CADM2: variants seen among roughly 807,000 people sequenced by gnomAD.
CADM2 encodes cell adhesion molecule 2.
CADM2 carries 12 observed loss-of-function variants against 49.8 expected under a neutral mutation model. The observed-to-expected ratio is 0.24, with a 90% CI of 0.15 to 0.39. CADM2 has a LOEUF of 0.39. Ranked by LOEUF, CADM2 falls within the 10% of genes least tolerant of loss-of-function variation. The pLI is 1.00. For missense variants in CADM2, 378 were observed against 492.3 expected (o/e 0.77, Z 2.20); for synonymous variants, 214 against 175.4 (o/e 1.22, Z -1.74).
At chr3:85,114,860 T>G (rs2107577724) in intron 1 of CADM2, among the ~76,000 whole-genome samples, 1 of 152,234 alleles carries the variant, frequency 6.6e-6, no homozygotes, top group East Asian at 1.9e-4. Context: ...TTATAACCAT[T>G]TATTATGTTA....
chr3:84,963,021 T>C (rs2030683824), intron 1 of CADM2, among the ~76,000 whole-genome samples: 1 of 152,212 alleles, frequency 6.6e-6, no homozygotes, highest in Admixed American at 6.5e-5. Context: ...ATCTGCCAGT[T>C]TGTCCTCATC....
In CADM2 at chr3:85,371,697, A is replaced by G. The variant is rs1363736188; in HGVS notation, c.62-354825A>G. On this transcript the variant is annotated intron_variant, in intron 1 of 9. Transcript: ENST00000383699. The stretch of plus-strand genomic sequence containing the variant: ...TGTGTGTATATATATATATATATAT[A>G]TATATATATATATATATTCACTTAC... Among the ~76,000 whole-genome samples, 40 of 142,170 alleles carry G rather than the reference A, an allele frequency of 2.8e-4. 1 individual carries two copies. The highest frequency in any genetic ancestry group is 4.6e-4 in the Non-Finnish European group (30 of 65,552). 93.3% of individuals were successfully genotyped at this position (142,170 alleles called of 152,430 possible). A position where few individuals can be genotyped will look rare whatever the true frequency, so the allele number is the denominator to read the frequency against.
chr3:85,946,265 C>T (rs1485499220), intron 7 of CADM2, among the ~76,000 whole-genome samples: 2 of 150,776 alleles, frequency 1.3e-5, no homozygotes, highest in African/African-American at 4.9e-5. Flanking sequence ...AACCACTGCT[C>T]AACTAAATAA....
chr3:85,462,883 G>T (rs895002019), intron 1 of CADM2, among the ~76,000 whole-genome samples: 4 of 152,092 alleles, frequency 2.6e-5, no homozygotes, highest in African/African-American at 9.7e-5. Flanking sequence ...CTGAAAAAAG[G>T]TCTCAGTGTT....
chr3:86,025,014 G>A (rs912079971), intron 8 of CADM2, among the ~76,000 whole-genome samples: 2 of 151,628 alleles, frequency 1.3e-5, no homozygotes, highest in African/African-American at 2.4e-5. Context: ...GAGTAGCTGG[G>A]ATTACAGGCA....
chr3:85,623,050 C>T (rs1479921318), intron 1 of CADM2, among the ~76,000 whole-genome samples: 2 of 151,926 alleles, frequency 1.3e-5, no homozygotes, highest in Non-Finnish European at 2.9e-5. Flanking sequence ...AGCTTAAGCC[C>T]ACTGATAAGA....
intron 1 of CADM2, among the ~76,000 whole-genome samples, chr3:85,051,673 G>T (rs1226184186): frequency 6.6e-6 from 1 of 152,094 alleles, no homozygotes; most frequent in East Asian, 1.9e-4. Flanking sequence ...AGCAAAAGGG[G>T]TAGACACGCC....
chr3:86,006,714 G>T (rs146153663), intron 8 of CADM2, among the ~76,000 whole-genome samples: 187 of 152,186 alleles, frequency 1.2e-3, no homozygotes, highest in African/African-American at 4.1e-3. Context: ...AATTCCTTTT[G>T]TGGCATCTTT....
At chr3:85,828,919 C>G (rs988873153) in intron 3 of CADM2, among the ~76,000 whole-genome samples, 3 of 151,894 alleles carry the variant, frequency 2.0e-5, no homozygotes, top group Non-Finnish European at 2.9e-5. Context: ...TATGAAGTTC[C>G]TTTCCTACAT....
intron 1 of CADM2, among the ~76,000 whole-genome samples, chr3:85,580,298 T>G (rs2062758392): frequency 6.6e-6 from 1 of 152,082 alleles, no homozygotes; most frequent in South Asian, 2.1e-4. Flanking sequence ...CTAACATCAT[T>G]CATGTTTAAT....
chr3:85,629,004 A>C (rs2064220167), intron 1 of CADM2, among the ~76,000 whole-genome samples: 1 of 151,744 alleles, frequency 6.6e-6, no homozygotes, highest in African/African-American at 2.4e-5. Context: ...TATTAGCAAA[A>C]TTAGATTTTG....
intron 1 of CADM2, among the ~76,000 whole-genome samples, chr3:85,195,575 A>G (rs1335903721): frequency 6.7e-6 from 1 of 148,604 alleles, no homozygotes; most frequent in African/African-American, 2.5e-5. Context: ...ACACACACAC[A>G]TTTTGTAATT....
intron 1 of CADM2, among the ~76,000 whole-genome samples, chr3:85,210,092 G>C (rs1335933627): frequency 6.6e-6 from 1 of 152,144 alleles, no homozygotes; most frequent in East Asian, 1.9e-4. Context: ...TCCAGATAAA[G>C]CTGTACAATA....
chr3:85,060,127 CTTTTATTTTATTTA>C, intron 1 of CADM2, among the ~76,000 whole-genome samples: 1 of 152,024 alleles, frequency 6.6e-6, no homozygotes, highest in African/African-American at 2.4e-5. Context: ...TTTATTGCTT[CTTTTATTTTATTTA>C]TTTTATTTTA....
chr3:85,682,706 A>T (rs2107660656), intron 1 of CADM2, among the ~76,000 whole-genome samples: 1 of 152,228 alleles, frequency 6.6e-6, no homozygotes, highest in South Asian at 2.1e-4. Context: ...CTGAAATGTG[A>T]TTGATTCCAA....
intron 1 of CADM2, among the ~76,000 whole-genome samples, chr3:85,582,846 G>C (rs755277700): frequency 6.6e-6 from 1 of 152,240 alleles, no homozygotes; most frequent in East Asian, 1.9e-4. Context: ...TGAATGAAAT[G>C]GGTGAGTAGA....
intron 8 of CADM2, among the ~76,000 whole-genome samples, chr3:85,966,539 T>G (rs553634859): frequency 6.6e-6 from 1 of 151,788 alleles, no homozygotes; most frequent in South Asian, 2.1e-4. Flanking sequence ...TAGAATGAAA[T>G]TGCCCACTAT....
intron 1 of CADM2, among the ~76,000 whole-genome samples, chr3:85,452,092 A>G (rs546768011): frequency 6.6e-6 from 1 of 152,144 alleles, no homozygotes; most frequent in South Asian, 2.1e-4. Flanking sequence ...CAAATAATAT[A>G]TTGCCTTTTC....
chr3:85,092,329 A>T (rs2037628280), intron 1 of CADM2, among the ~76,000 whole-genome samples: 1 of 152,184 alleles, frequency 6.6e-6, no homozygotes, highest in African/African-American at 2.4e-5. Context: ...AGAATAGCAG[A>T]CTTATATAAT....
Sources: allele counts gnomAD v4.1 joint callset (sites outside exome capture counted in the v4.1 genomes callset), GRCh38; gene constraint gnomAD v4.1.1; transcripts MANE v1.5; gene names NCBI Gene and HGNC (gene_info 2026-07-23, HGNC 2026-07-21).